The following RBM4 variants were observed in gnomAD, a reference collection of about 807,000 sequenced individuals.
The protein encoded by RBM4 is RNA-binding protein 4.
RBM4 carries 7 observed loss-of-function variants against 29.5 expected under a neutral mutation model. That is an observed-to-expected ratio of 0.24 (90% confidence interval 0.14 to 0.45). RBM4 has a LOEUF of 0.45. RBM4 is among the 20% of genes least tolerant of loss of function. RBM4 has a pLI of 1.00. For missense variants in RBM4, 387 were observed against 502.3 expected (o/e 0.77, Z 2.19); for synonymous variants, 220 against 205.4 (o/e 1.07, Z -0.61).
At chr11:66,651,260 T>G (rs1207532220), downstream of RBM4, among the ~76,000 whole-genome samples, 1 of 152,108 alleles carries the variant, frequency 6.6e-6, no homozygotes, top group Non-Finnish European at 1.5e-5. Context: ...TAAAGGAAAT[T>G]CCCAGGATGA....
At chr11:66,653,686 A>G (rs148737360) in intron 2 of RBM4, among the ~76,000 whole-genome samples, 29 of 152,280 alleles carry the variant, frequency 1.9e-4, no homozygotes, top group African/African-American at 7.0e-4. Context: ...TATTGTAAGA[A>G]TACAGTATAC....
chr11:66,666,018 T>C, exon 3 of RBM4: 2 of 1,407,208 alleles, frequency 1.4e-6, no homozygotes, highest in Non-Finnish European at 1.9e-6. Context: ...TTTTAATCTT[T>C]CACAGTAAAC....
chr11:66,658,042 T>C (rs1483417395), intron 2 of RBM4, among the ~76,000 whole-genome samples: 3 of 151,446 alleles, frequency 2.0e-5, no homozygotes, highest in African/African-American at 7.3e-5. Context: ...TTTTTTTTTT[T>C]GAGATGGAGT....
intron 2 of RBM4, among the ~76,000 whole-genome samples, chr11:66,655,531 C>G (rs537561813): frequency 1.3e-5 from 2 of 152,112 alleles, no homozygotes; most frequent in Admixed American, 6.5e-5. Context: ...ATTCTCACCT[C>G]GGCCTCCCAA....
chr11:66,640,083 A>G lies in RBM4; in HGVS notation c.372A>G (p.Ala124=). ...AFVHMERAED[A]VEAIRGLDNT... is the part of the protein sequence containing the mutation. The stretch of plus-strand genomic sequence containing the variant: ...TACACATGGAGCGGGCAGAGGATGC[A>G]GTGGAGGCCATCAGGGGCCTTGATA... The change falls in exon 2 of 4, where the codon GCA becomes GCG. Residue 124 remains alanine (A), a synonymous_variant. Coordinates refer to ENST00000310092, the MANE Select transcript of RBM4 (RefSeq NM_002896.4). 5.0e-6 allele frequency: 8 copies of G among 1,614,250 alleles called. No individual in the cohort carries two copies. The highest frequency in any genetic ancestry group is 5.9e-6 in the Non-Finnish European group (7 of 1,180,044).
Position 66,646,214 on chromosome 11 carries a change from C to T in RBM4, c.*196C>T. 3 of 1,454,128 alleles carry T rather than the reference C, an allele frequency of 2.1e-6. No homozygotes were observed. The highest frequency in any genetic ancestry group is 2.7e-6 in the Non-Finnish European group (3 of 1,104,608). The allele number at this position is 1,454,128 out of a possible 1,614,324, so 90.1% of individuals were successfully genotyped here. A position where few individuals can be genotyped will look rare whatever the true frequency, so the allele number is the denominator to read the frequency against. On this transcript the variant is annotated 3_prime_UTR_variant, in exon 4 of 4. Transcript: ENST00000310092. ...TTCCTTTCCTCTCCTGCCCATTTTC[C>T]TGTTCTTCTGTCCTTCAATACTTCT...
intron 2 of RBM4, among the ~76,000 whole-genome samples, chr11:66,654,864 G>A (rs1377937506): frequency 6.6e-6 from 1 of 151,348 alleles, no homozygotes; most frequent in Non-Finnish European, 1.5e-5. Context: ...TCCCTACGTC[G>A]CCCAGGCTGG....
chr11:66,665,751 AT>A (rs1326553071), intron 2 of RBM4: 43 of 1,292,320 alleles, frequency 3.3e-5, no homozygotes, highest in Non-Finnish European at 4.5e-5. Flanking sequence ...GAGTCTATCA[AT>A]AGCTATATAT....
At chr11:66,639,652 G>T in intron 1 of RBM4, 48 bp from the exon 2 acceptor site, 1 of 1,587,450 alleles carries the variant, frequency 6.3e-7, no homozygotes, top group South Asian at 1.1e-5. Flanking sequence ...TTTGTGAACG[G>T]ATGTGGGCCT....
At chr11:66,664,346 C>T (rs376890879) in intron 2 of RBM4, among the ~76,000 whole-genome samples, 1 of 151,650 alleles carries the variant, frequency 6.6e-6, no homozygotes, top group Non-Finnish European at 1.5e-5. Flanking sequence ...GACAGGGTTT[C>T]GCCATGTTGG....
chr11:66,663,571 C>T (rs369568089), intron 2 of RBM4, among the ~76,000 whole-genome samples: 20 of 152,150 alleles, frequency 1.3e-4, no homozygotes, highest in Admixed American at 9.2e-4. Flanking sequence ...CCTCGTGATT[C>T]GTGTGCCTTG....
At chr11:66,648,157 G>T (rs1938746879), downstream of RBM4, among the ~76,000 whole-genome samples, 1 of 152,128 alleles carries the variant, frequency 6.6e-6, no homozygotes, top group Non-Finnish European at 1.5e-5. Context: ...AGTGAGCCAA[G>T]ATTGCGCCAC....
Position 66,644,780 on chromosome 11 carries a change from T to G in RBM4, c.*8+640T>G, listed in dbSNP as rs184661364. The stretch of plus-strand genomic sequence containing the variant: ...TAGAGAGAAATACAAAACTTATCTT[T>G]TATAAAGTTCCACAAGGAAGTCTGG... On this transcript the variant is annotated intron_variant, in intron 3 of 3. Coordinates refer to ENST00000310092, the MANE Select transcript of RBM4 (RefSeq NM_002896.4). 1,142 of 843,506 alleles carry G rather than the reference T, an allele frequency of 1.4e-3. 46 individuals carry two copies. The Admixed American group carries it at 0.064, about 47-fold the overall frequency. 52.3% of individuals were successfully genotyped at this position (843,506 alleles called of 1,614,324 possible).
At chr11:66,646,804 GCTTAA>G (rs1163103495), downstream of RBM4, among the ~76,000 whole-genome samples, 1 of 152,142 alleles carries the variant, frequency 6.6e-6, no homozygotes, top group Non-Finnish European at 1.5e-5. Context: ...AGTGTATCTA[GCTTAA>G]CTTAATTTCC....
exon 3 of RBM4, chr11:66,666,559 G>A (rs564777865): frequency 7.3e-6 from 3 of 410,578 alleles, no homozygotes; most frequent in African/African-American, 2.2e-5. Context: ...ACTGCTTGCA[G>A]TCAAAATTCA....
rs888491516 is a variant in RBM4, at chr11:66,646,073, A to C, written c.*55A>C. ...ATTCCGAGCTGCGGTTGTGCATGAG[A>C]ATACACCCTTCGTGGTACCCCATCT... On this transcript the variant is annotated 3_prime_UTR_variant, in exon 4 of 4. Coordinates refer to ENST00000310092, the MANE Select transcript of RBM4 (RefSeq NM_002896.4). 4 of 1,535,892 alleles carry C rather than the reference A, an allele frequency of 2.6e-6. No homozygotes were observed. The African/African-American group carries it at 5.5e-5, about 21-fold the overall frequency.
exon 3 of RBM4, chr11:66,667,097 A>G (rs1259627480): frequency 1.3e-5 from 2 of 152,100 alleles, no homozygotes; most frequent in Non-Finnish European, 2.9e-5. Context: ...TACCAAAGGG[A>G]TAAGTTAGGA....
At chr11:66,663,992 G>A (rs1026708325) in intron 2 of RBM4, among the ~76,000 whole-genome samples, 1 of 151,862 alleles carries the variant, frequency 6.6e-6, no homozygotes, top group African/African-American at 2.4e-5. Flanking sequence ...TATTACTGAA[G>A]CCACAGCACT....
intron 2 of RBM4, among the ~76,000 whole-genome samples, chr11:66,653,740 C>T (rs1938882521): frequency 6.6e-6 from 1 of 151,906 alleles, no homozygotes; most frequent in Non-Finnish European, 1.5e-5. Flanking sequence ...ACCTGTAAGG[C>T]TTCCAGTCAA....
Sources: allele counts gnomAD v4.1 joint callset (sites outside exome capture counted in the v4.1 genomes callset), GRCh38; gene constraint gnomAD v4.1.1; transcripts MANE v1.5; gene names NCBI Gene and HGNC (gene_info 2026-07-23, HGNC 2026-07-21).